The following FRMD4A variants were observed in gnomAD, a reference collection of about 807,000 sequenced individuals.
FRMD4A encodes FERM domain containing 4A.
Under a neutral mutation model 129.1 loss-of-function variants are expected in FRMD4A, and 29 were observed. The observed-to-expected ratio is 0.22, with a 90% confidence interval of 0.17 to 0.31. The LOEUF is 0.31. Ranked by LOEUF, FRMD4A falls within the 10% of genes least tolerant of loss-of-function variation. The pLI is 1.00. For synonymous variants in FRMD4A, 634 were observed against 571.6 expected (o/e 1.11, Z -1.56); for missense variants, 1,272 against 1,375.8 (o/e 0.92, Z 1.19).
chr10:14,127,982 CTCTCTCTCTCTCTCTCTCTTTCTTT>C, intron 2 of FRMD4A, among the ~76,000 whole-genome samples: 19 of 81,262 alleles, frequency 2.3e-4, no homozygotes, highest in African/African-American at 1.4e-3. Context: ...TTCTTTCCTT[CTCTCTCTCTCTCTCTCTCTTTCTTT>C]CTTTCTTCCT....
At chr10:13,844,223 T>C (rs17630680) in intron 3 of FRMD4A, among the ~76,000 whole-genome samples, 27,159 of 151,992 alleles carry the variant, frequency 0.18, 2,725 homozygotes, top group South Asian at 0.28. Flanking sequence ...AAACTTAACA[T>C]TGAAGGCTTT....
chr10:14,114,050 C>G (rs1838070790), intron 2 of FRMD4A, among the ~76,000 whole-genome samples: 1 of 152,182 alleles, frequency 6.6e-6, no homozygotes, highest in Non-Finnish European at 1.5e-5. Context: ...TTCAAAGGCT[C>G]AAGCACACGT....
chr10:13,768,226 C>G (rs773423152), intron 6 of FRMD4A, among the ~76,000 whole-genome samples: 1 of 152,098 alleles, frequency 6.6e-6, no homozygotes, highest in African/African-American at 2.4e-5. Context: ...AACACCATGC[C>G]TAACAATATT....
intron 2 of FRMD4A, among the ~76,000 whole-genome samples, chr10:13,968,840 T>G (rs1307505547): frequency 6.0e-5 from 2 of 33,090 alleles, no homozygotes; most frequent in Non-Finnish European, 1.4e-4. Flanking sequence ...GACTAACAGA[T>G]TTTTTTTTTG....
At chr10:13,885,841 C>T (rs1316699026) in intron 2 of FRMD4A, among the ~76,000 whole-genome samples, 1 of 152,192 alleles carries the variant, frequency 6.6e-6, no homozygotes, top group Non-Finnish European at 1.5e-5. Context: ...ATTGAGAAGG[C>T]CGAACACTGC....
intron 2 of FRMD4A, among the ~76,000 whole-genome samples, chr10:14,213,729 G>T (rs952639793): frequency 3.3e-5 from 5 of 152,168 alleles, no homozygotes; most frequent in Admixed American, 3.3e-4. Context: ...ATATGGTTTG[G>T]CTGTGTCCCC....
chr10:13,756,108 T>A (rs987774555), intron 8 of FRMD4A: 4 of 152,326 alleles, frequency 2.6e-5, no homozygotes, highest in Non-Finnish European at 5.9e-5. Context: ...CATCAGTATA[T>A]CCAGTCCTCG....
chr10:13,740,488 G>A, intron 10 of FRMD4A, 24 bp downstream of exon 10: 2 of 1,407,506 alleles, frequency 1.4e-6, no homozygotes, highest in Non-Finnish European at 2.0e-6. Context: ...CTGTCCCCAT[G>A]TGAGCTGGGA....
chr10:14,194,065 T>C (rs1730918812), intron 2 of FRMD4A, among the ~76,000 whole-genome samples: 1 of 152,254 alleles, frequency 6.6e-6, no homozygotes, highest in African/African-American at 2.4e-5. Context: ...AGCACAAACC[T>C]GCAAATGAAG....
At position 14,071,522 on chromosome 10, in the gene FRMD4A, G is replaced by A. The variant is rs373614218; in HGVS notation, c.46-212610C>T. On this transcript the variant is annotated intron_variant, in intron 2 of 24. Coordinates refer to ENST00000357447, the MANE Select transcript of FRMD4A (RefSeq NM_018027.5). ...ATGACTCAGTAATTTTCCATCATCC[G>A]AAAACATTTTATATAAAGAAACAAT... Among the ~76,000 whole-genome samples, 209 of 152,110 alleles carry A rather than the reference G, an allele frequency of 1.4e-3. 1 individual carries two copies. The highest frequency in any genetic ancestry group is 4.4e-3 in the African/African-American group (182 of 41,504).
At chr10:13,696,795 C>T (rs565922280) in intron 14 of FRMD4A, among the ~76,000 whole-genome samples, 2 of 152,274 alleles carry the variant, frequency 1.3e-5, no homozygotes, top group South Asian at 2.1e-4. Flanking sequence ...CAGTGAATCA[C>T]TATCGGACTT....
rs2091921812 is a variant in FRMD4A at position 13,757,735 on chromosome 10, C to T, written c.464+3912G>A. ...CTCTTTCCATTAAGGTGTATCAGCA[C>T]TTTTGACTTCGTCTTTTTTTTATTT... On this transcript the variant is annotated intron_variant, in intron 8 of 24. Coordinates refer to ENST00000357447, the MANE Select transcript of FRMD4A (RefSeq NM_018027.5). Among the ~76,000 whole-genome samples, 3 of 152,138 alleles carry T rather than the reference C, an allele frequency of 2.0e-5. No individual in the cohort carries two copies. The South Asian group carries it at 6.2e-4, about 32-fold the overall frequency.
chr10:13,892,028 C>CCT (rs145731990), intron 2 of FRMD4A, among the ~76,000 whole-genome samples: 1 of 91,360 alleles, frequency 1.1e-5, no homozygotes, highest in African/African-American at 4.8e-5. Context: ...CGCGCCCCCG[C>CCT]CCCCCCAGAA....
intron 3 of FRMD4A, among the ~76,000 whole-genome samples, chr10:13,829,164 A>G (rs770532135): frequency 3.3e-5 from 5 of 152,194 alleles, no homozygotes; most frequent in African/African-American, 9.6e-5. Flanking sequence ...CAATGAATGA[A>G]GGAGTGAATG....
At chr10:14,135,929 T>C (rs752962) in intron 2 of FRMD4A, among the ~76,000 whole-genome samples, 45,145 of 152,130 alleles carry the variant, frequency 0.3, 7,197 homozygotes, top group East Asian at 0.55. Flanking sequence ...AAAGATGCTA[T>C]ATTGAAATGC....
intron 2 of FRMD4A, among the ~76,000 whole-genome samples, chr10:13,980,783 A>C (rs1405920397): frequency 6.6e-6 from 1 of 152,222 alleles, no homozygotes; most frequent in Admixed American, 6.5e-5. Flanking sequence ...TTATTTTAAC[A>C]AAGTCTTCTC....
chr10:13,693,352 A>G (rs771302348), intron 15 of FRMD4A: 19 of 262,754 alleles, frequency 7.2e-5, no homozygotes, highest in Non-Finnish European at 1.1e-4. Flanking sequence ...TGACTTGGCC[A>G]AGGCTGGCGG....
intron 16 of FRMD4A, among the ~76,000 whole-genome samples, chr10:13,674,628 G>C (rs772986021): frequency 2.0e-4 from 31 of 152,166 alleles, no homozygotes; most frequent in Admixed American, 1.4e-3. Context: ...ATCACATAGT[G>C]CATTTCCCAG....
chr10:14,146,083 C>T (rs1358128851), intron 2 of FRMD4A, among the ~76,000 whole-genome samples: 1 of 152,188 alleles, frequency 6.6e-6, no homozygotes, highest in East Asian at 1.9e-4. Context: ...AATTACTTAA[C>T]ATCTCTGTGG....
Sources: gnomAD v4.1 joint callset for allele counts (sites outside exome capture counted in the v4.1 genomes callset) on GRCh38, gnomAD v4.1.1 for gene constraint, MANE v1.5 for transcripts, NCBI Gene and HGNC (gene_info 2026-07-23, HGNC 2026-07-21) for gene names.